The following RAD54L2 variants were observed in gnomAD, a reference collection of about 807,000 sequenced individuals.
RAD54L2 encodes RAD54 like 2.
RAD54L2 carries 27 observed loss-of-function variants against 138.4 expected under a neutral mutation model. The ratio of observed to expected loss-of-function variants is 0.20; its 90% CI spans 0.14 to 0.27. The LOEUF (loss-of-function observed/expected upper bound fraction) is 0.27. Ranked by LOEUF, RAD54L2 falls within the 10% of genes least tolerant of loss-of-function variation. The pLI is 1.00. For synonymous variants in RAD54L2, 644 were observed against 723.2 expected, an observed-to-expected ratio of 0.89 and a Z score of 1.76; for missense variants, 1,396 against 1,890.2, an observed-to-expected ratio of 0.74 and a Z score of 4.85.
chr3:51,591,057 C>T (rs1256736426), intron 3 of RAD54L2, among the ~76,000 whole-genome samples: 4 of 152,234 alleles, frequency 2.6e-5, no homozygotes, highest in African/African-American at 9.6e-5. Context: ...GCATCTCCTG[C>T]AGTGCTGCGC....
rs190152588 is a variant in RAD54L2 at position 51,561,383 on chromosome 3, T to A, written c.-55+19733T>A. Among the ~76,000 whole-genome samples the A allele has an allele frequency of 2.0e-5, 3 of 152,064 alleles. No homozygotes were observed. In the East Asian group the frequency reaches 5.8e-4, roughly 29 times the overall value. Reference sequence around the variant, plus strand: ...GCCTCAGCCTCCCAAGTAGCTGGGATAACAGGCATGTGCCGCCATGCCCGG... The same window carrying A: ...GCCTCAGCCTCCCAAGTAGCTGGGAAAACAGGCATGTGCCGCCATGCCCGG... On this transcript the variant is annotated intron_variant, in intron 2 of 22. Coordinates refer to ENST00000684192, the MANE Select transcript of RAD54L2 (RefSeq NM_015106.4).
intron 3 of RAD54L2, among the ~76,000 whole-genome samples, chr3:51,602,270 G>A (rs1024680882): frequency 2.0e-5 from 3 of 152,026 alleles, no homozygotes; most frequent in Admixed American, 6.6e-5. Flanking sequence ...AATGAATTCC[G>A]TCAGACTACT....
Position 51,645,251 on chromosome 3 carries a change from G to T in RAD54L2, c.2656+22G>T. The T allele has an allele frequency of 6.3e-7, 1 of 1,579,098 alleles. No homozygotes were observed. The highest frequency in any genetic ancestry group is 2.3e-5 in the East Asian group (1 of 44,252). ...TCAGGTGGGCCATCTTCCAGACTTC[G>T]GAGAGGCACATCTATACAGGCTACC... On this transcript the variant is annotated intron_variant, in intron 17 of 22. Transcript: ENST00000684192. The surrounding 1 kb of genome is among the most constrained non-coding windows in gnomAD (Gnocchi z 6.1).
At chr3:51,557,277 A>T (rs1248429184) in intron 2 of RAD54L2, among the ~76,000 whole-genome samples, 1 of 141,576 alleles carries the variant, frequency 7.1e-6, no homozygotes, top group East Asian at 2.2e-4. Context: ...TCGACTTCCC[A>T]GCTCAAAGTA....
intron 2 of RAD54L2, among the ~76,000 whole-genome samples, chr3:51,546,530 C>T (rs1553672309): frequency 6.6e-6 from 1 of 151,898 alleles, no homozygotes; most frequent in East Asian, 2.0e-4. Flanking sequence ...ATCTCAGCTA[C>T]TTAGGAGGCT....
rs771145134 is a variant in RAD54L2 at position 51,629,457 on chromosome 3, G to T, written c.465G>T (p.Pro155=). The T allele has an allele frequency of 4.3e-6, 7 of 1,612,536 alleles. No individual in the cohort carries two copies. The Admixed American group carries it at 6.7e-5, about 15-fold the overall frequency. The change falls in exon 5 of 23, where the codon CCG becomes CCT. Residue 155 remains proline (P), a synonymous_variant. Transcript: ENST00000684192. ...ATGCAGCCCCTATTCCTACTGTTCC[G>T]CTGGAGTTCCTCCCTGGTAAGCAGT... ...KDYAAPIPTV[P]LEFLPEEIAL...
intron 2 of RAD54L2, among the ~76,000 whole-genome samples, chr3:51,580,697 G>T (rs1349137428): frequency 6.6e-6 from 1 of 152,174 alleles, no homozygotes; most frequent in Non-Finnish European, 1.5e-5. Flanking sequence ...ACCTGGGACA[G>T]AGACCAAATA....
rs79017115 is a variant in RAD54L2, at chr3:51,597,444, C to T, written c.139+6885C>T. On this transcript the variant is annotated intron_variant, in intron 3 of 22. Coordinates refer to ENST00000684192, the MANE Select transcript of RAD54L2 (RefSeq NM_015106.4). ...GAAGTGGTGTCAAGGTTAGGAGGTT[C>T]GGTACTTTAACTGGTAAGGAATTTA... 2.4e-3 allele frequency among the ~76,000 whole-genome samples: 361 copies of T among 152,030 alleles called. 3 individuals carry two copies. The East Asian group carries it at 0.03, about 12-fold the overall frequency.
chr3:51,657,688 A>C lies in RAD54L2; in HGVS notation c.3316+19A>C. The stretch of plus-strand genomic sequence containing the variant: ...ACAAAAGGTAAGAGCCTGACCAAGG[A>C]CCTGTTCCCTGCCTTTGGTTGAGAG... On this transcript the variant is annotated intron_variant, in intron 21 of 22. Coordinates refer to ENST00000684192, the MANE Select transcript of RAD54L2 (RefSeq NM_015106.4). 2.0e-6 allele frequency: 3 copies of C among 1,505,682 alleles called. No individual in the cohort carries two copies. Among genetic ancestry groups the C allele is most frequent in the Non-Finnish European group, 2.7e-6 (3 of 1,101,280 alleles). The allele number at this position is 1,505,682 out of a possible 1,614,324, so 93.3% of individuals were successfully genotyped here.
rs573232026 is a variant in RAD54L2, at chr3:51,578,635, C to T, written c.-54-11732C>T. Among the ~76,000 whole-genome samples, 11 of 152,232 alleles carry T rather than the reference C, an allele frequency of 7.2e-5. No individual in the cohort carries two copies. The South Asian group carries it at 1.7e-3, about 23-fold the overall frequency. On this transcript the variant is annotated intron_variant, in intron 2 of 22. Transcript: ENST00000684192. ...TCCGCTCACTCGCTACTCTACTCAT[C>T]GTGGGAGGGGGAGCACTGGTGAGTG...
At chr3:51,563,395 T>A (rs1259612003) in intron 2 of RAD54L2, among the ~76,000 whole-genome samples, 1 of 152,244 alleles carries the variant, frequency 6.6e-6, no homozygotes, top group African/African-American at 2.4e-5. Context: ...TTTGGACTAG[T>A]ACCCTAGGAG....
At chr3:51,632,203 A>G (rs891081973) in intron 7 of RAD54L2, among the ~76,000 whole-genome samples, 5 of 152,114 alleles carry the variant, frequency 3.3e-5, no homozygotes, top group African/African-American at 4.8e-5. Context: ...TAGGCACCAC[A>G]TTTTCTTTAT....
At chr3:51,650,597 C>T (rs1365493461) in intron 19 of RAD54L2, among the ~76,000 whole-genome samples, 1 of 152,238 alleles carries the variant, frequency 6.6e-6, no homozygotes. Flanking sequence ...TCTCAGACCA[C>T]AGTGCAATCA....
chr3:51,644,123 A>G (rs1044705302), intron 16 of RAD54L2, 149 bp downstream of exon 16: 8 of 649,196 alleles, frequency 1.2e-5, no homozygotes, highest in Admixed American at 9.7e-5. Context: ...TTCAAAAGGA[A>G]ATTAGGTTAG....
chr3:51,610,330 A>C (rs1333415362), intron 3 of RAD54L2, among the ~76,000 whole-genome samples: 1 of 152,050 alleles, frequency 6.6e-6, no homozygotes, highest in Non-Finnish European at 1.5e-5. Flanking sequence ...GGGACCGGGC[A>C]TGGTGGCTCA....
intron 2 of RAD54L2, among the ~76,000 whole-genome samples, chr3:51,555,749 T>A (rs1173205523): frequency 2.0e-5 from 3 of 152,206 alleles, no homozygotes; most frequent in East Asian, 3.9e-4. Flanking sequence ...TAAGTCTTTT[T>A]AAATATTTTA....
chr3:51,659,399 C>T (rs919123529), intron 21 of RAD54L2, among the ~76,000 whole-genome samples: 4 of 152,206 alleles, frequency 2.6e-5, no homozygotes, highest in Admixed American at 6.5e-5. Flanking sequence ...GCCACTGTGC[C>T]CGGCCCAAAA....
intron 2 of RAD54L2, among the ~76,000 whole-genome samples, chr3:51,548,369 G>C (rs930529974): frequency 6.6e-6 from 1 of 150,970 alleles, no homozygotes; most frequent in Non-Finnish European, 1.5e-5. Flanking sequence ...TTGTATTTTT[G>C]TAGAGATGGG....
chr3:51,608,825 G>A (rs574584091), intron 3 of RAD54L2, among the ~76,000 whole-genome samples: 1 of 152,278 alleles, frequency 6.6e-6, no homozygotes, highest in South Asian at 2.1e-4. Context: ...GTCCAGCCTT[G>A]GCTTGGCATC....
Sources: allele counts gnomAD v4.1 joint callset (sites outside exome capture counted in the v4.1 genomes callset), GRCh38; gene constraint gnomAD v4.1.1; non-coding constraint Gnocchi (gnomAD v3.1); transcripts MANE v1.5; gene names NCBI Gene and HGNC (gene_info 2026-07-23, HGNC 2026-07-21).